ENTREP2: variants seen among roughly 807,000 people sequenced by gnomAD.
The protein encoded by ENTREP2 is endosomal transmembrane epsin interactor 2, also known as protein ENTREP2.
At chr15:29,627,474 C>T in the ENTREP2 span, among the ~76,000 whole-genome samples, 12 of 148,292 alleles carry the variant, frequency 8.1e-5, no homozygotes, top group Admixed American at 6.9e-4. Context: ...ACCTGAGAGG[C>T]GGAGGTTGCA....
At chr15:29,302,715 C>T in the ENTREP2 span, among the ~76,000 whole-genome samples, 1 of 152,090 alleles carries the variant, frequency 6.6e-6, no homozygotes, top group African/African-American at 2.4e-5. Flanking sequence ...TGGGATGTTT[C>T]CCGCAAGAAA....
the ENTREP2 span, among the ~76,000 whole-genome samples, chr15:29,641,288 T>C: frequency 3.3e-3 from 500 of 152,234 alleles, 2 homozygotes; most frequent in African/African-American, 0.012. Context: ...TACTCAATAT[T>C]ATACCGGAAG....
the ENTREP2 span, among the ~76,000 whole-genome samples, chr15:29,118,720 G>A: frequency 2.0e-4 from 30 of 152,302 alleles, no homozygotes; most frequent in Admixed American, 1.4e-3. Flanking sequence ...TGTAAAAGCC[G>A]GACCGCCCAT....
the ENTREP2 span, among the ~76,000 whole-genome samples, chr15:29,315,374 A>T: frequency 6.6e-6 from 1 of 152,200 alleles, no homozygotes; most frequent in Non-Finnish European, 1.5e-5. Context: ...TTGACAGACC[A>T]ATAAAATAAA....
chr15:29,415,931 A>C, the ENTREP2 span, among the ~76,000 whole-genome samples: 1 of 152,154 alleles, frequency 6.6e-6, no homozygotes, highest in Non-Finnish European at 1.5e-5. Flanking sequence ...TAGAAATCCA[A>C]CTTACAAGGG....
the ENTREP2 span, among the ~76,000 whole-genome samples, chr15:29,492,661 A>G: frequency 6.6e-6 from 1 of 152,224 alleles, no homozygotes; most frequent in Non-Finnish European, 1.5e-5. Flanking sequence ...GGCAATTACT[A>G]TTTTAACATG....
the ENTREP2 span, among the ~76,000 whole-genome samples, chr15:29,417,260 G>A: frequency 6.6e-6 from 1 of 152,156 alleles, no homozygotes; most frequent in Non-Finnish European, 1.5e-5. Flanking sequence ...ATCCAACAAT[G>A]ATAGACTGGA....
the ENTREP2 span, among the ~76,000 whole-genome samples, chr15:29,339,200 C>T: frequency 6.6e-6 from 1 of 152,262 alleles, no homozygotes; most frequent in Non-Finnish European, 1.5e-5. Flanking sequence ...AGCGGCCCAC[C>T]CCTCCATTCG....
the ENTREP2 span, among the ~76,000 whole-genome samples, chr15:29,389,866 C>A: frequency 6.6e-6 from 1 of 152,130 alleles, no homozygotes; most frequent in African/African-American, 2.4e-5. Context: ...TCTGCTTTCT[C>A]CCCAGACCTC....
chr15:29,330,281 AC>A, the ENTREP2 span, among the ~76,000 whole-genome samples: 2 of 150,546 alleles, frequency 1.3e-5, no homozygotes, highest in Non-Finnish European at 1.5e-5. Flanking sequence ...TACTAAAAAT[AC>A]AAAAAAAAAA....
the ENTREP2 span, among the ~76,000 whole-genome samples, chr15:29,595,131 G>A: frequency 6.8e-6 from 1 of 146,166 alleles, no homozygotes; most frequent in Non-Finnish European, 1.5e-5. Context: ...GCACACACCT[G>A]TAAACCCAGC....
chr15:29,635,168 A>G, the ENTREP2 span, among the ~76,000 whole-genome samples: 1 of 152,094 alleles, frequency 6.6e-6, no homozygotes, highest in South Asian at 2.1e-4. Flanking sequence ...TGGAAGCTTC[A>G]TGACTGATTA....
chr15:29,150,423 C>T, the ENTREP2 span, among the ~76,000 whole-genome samples: 1 of 152,216 alleles, frequency 6.6e-6, no homozygotes, highest in South Asian at 2.1e-4. Flanking sequence ...TTAGCATTTA[C>T]ATGCCTTTAG....
chr15:29,293,527 A>G, the ENTREP2 span, among the ~76,000 whole-genome samples: 1 of 151,796 alleles, frequency 6.6e-6, no homozygotes, highest in African/African-American at 2.4e-5. Flanking sequence ...AAGTGCTGGG[A>G]TTACAGGCAT....
the ENTREP2 span, among the ~76,000 whole-genome samples, chr15:29,278,701 A>T: frequency 6.6e-6 from 1 of 152,216 alleles, no homozygotes; most frequent in Non-Finnish European, 1.5e-5. Context: ...CACAGACCCC[A>T]TTCCAGTTAT....
chr15:29,490,502 G>A, the ENTREP2 span, among the ~76,000 whole-genome samples: 1 of 152,126 alleles, frequency 6.6e-6, no homozygotes, highest in Non-Finnish European at 1.5e-5. Flanking sequence ...GAGCTGACTG[G>A]TCCATTTTAC....
the ENTREP2 span, among the ~76,000 whole-genome samples, chr15:29,214,132 A>G: frequency 6.6e-6 from 1 of 152,190 alleles, no homozygotes; most frequent in South Asian, 2.1e-4. Flanking sequence ...ACAGTGTGGC[A>G]ATTCCTCAAG....
At chr15:29,323,604 T>C in the ENTREP2 span, among the ~76,000 whole-genome samples, 14 of 152,106 alleles carry the variant, frequency 9.2e-5, no homozygotes, top group Non-Finnish European at 1.8e-4. Flanking sequence ...TGAAAGCTGA[T>C]TGGTCAGAAG....
At chr15:29,582,214 G>A in the ENTREP2 span, among the ~76,000 whole-genome samples, 1 of 152,120 alleles carries the variant, frequency 6.6e-6, no homozygotes, top group East Asian at 1.9e-4. Flanking sequence ...GAAAATAACT[G>A]TTTCAACAAA....
Sources: allele counts gnomAD v4.1 joint callset (sites outside exome capture counted in the v4.1 genomes callset), GRCh38; gene constraint gnomAD v4.1.1; transcripts MANE v1.5; gene names NCBI Gene and HGNC (gene_info 2026-07-23, HGNC 2026-07-21).